The following DNAAF9 variants were observed in gnomAD, a reference collection of about 807,000 sequenced individuals.
The protein encoded by DNAAF9 is dynein axonemal assembly factor 9.
In DNAAF9, 90 loss-of-function variants were observed where a neutral mutation model predicts 167.0. That is an observed-to-expected ratio of 0.54 (90% CI 0.45 to 0.64). DNAAF9 has a LOEUF of 0.64. Among genes scored for constraint, DNAAF9 ranks in the 30% least tolerant of loss-of-function variants. DNAAF9 has a pLI of 0.00. For synonymous variants in DNAAF9, 491 were observed against 508.8 expected (o/e 0.96, Z 0.47); for missense variants, 1,315 against 1,442.2 (o/e 0.91, Z 1.43).
chr20:3,361,582 A>C (rs960817591), intron 6 of DNAAF9, among the ~76,000 whole-genome samples: 1 of 152,172 alleles, frequency 6.6e-6, no homozygotes, highest in Non-Finnish European at 1.5e-5. Flanking sequence ...GTTGAGTTAG[A>C]TGTGCCCCAC....
intron 3 of DNAAF9, among the ~76,000 whole-genome samples, chr20:3,380,320 C>T (rs1051277234): frequency 1.3e-5 from 2 of 152,140 alleles, no homozygotes; most frequent in East Asian, 1.9e-4. Flanking sequence ...ACTCTTTTTG[C>T]ACTTCCTAAT....
At chr20:3,320,516 T>TG (rs765086216) in intron 16 of DNAAF9, among the ~76,000 whole-genome samples, 6 of 152,034 alleles carry the variant, frequency 3.9e-5, no homozygotes, top group Non-Finnish European at 7.4e-5. Flanking sequence ...TGCTCAAGAG[T>TG]CTAAGGAGAG....
intron 1 of DNAAF9, among the ~76,000 whole-genome samples, chr20:3,394,479 C>G (rs946184812): frequency 6.6e-6 from 1 of 152,036 alleles, no homozygotes. Flanking sequence ...CACCTTTAAG[C>G]TTAAGGGTTT....
intron 29 of DNAAF9, among the ~76,000 whole-genome samples, chr20:3,277,587 C>A (rs2068695011): frequency 6.6e-6 from 1 of 151,886 alleles, no homozygotes; most frequent in Admixed American, 6.6e-5. Context: ...AGCTAGAAAC[C>A]TAGGAGTCAT....
chr20:3,268,714 A>G (rs1356936661), intron 30 of DNAAF9, among the ~76,000 whole-genome samples: 2 of 152,112 alleles, frequency 1.3e-5, no homozygotes, highest in African/African-American at 2.4e-5. Flanking sequence ...ACATAGTTCA[A>G]AAGTCAAAAC....
In DNAAF9 at chr20:3,250,512, T is replaced by C. The variant is rs1462306798; in HGVS notation, c.*2060A>G. On this transcript the variant is annotated 3_prime_UTR_variant, in exon 37 of 37. Transcript: ENST00000252032. ...ACGTTTTGACTTTTTTCAATCACAG[T>C]TTCATATTCAAGTTGAGGTAATCAC... is the stretch of plus-strand genomic sequence containing the variant. 2.0e-5 allele frequency: 3 copies of C among 152,164 alleles called. No individual in the cohort carries two copies. The highest frequency in any genetic ancestry group is 1.3e-4 in the Admixed American group (2 of 15,278). 9.4% of individuals were successfully genotyped at this position (152,164 alleles called of 1,614,324 possible). A position where few individuals can be genotyped will look rare whatever the true frequency, so the allele number is the denominator to read the frequency against.
rs117008921 is a variant in DNAAF9 at position 3,375,381 on chromosome 20, A to C, written c.409-255T>G. On this transcript the variant is annotated intron_variant, in intron 4 of 36. Transcript: ENST00000252032. Reference sequence around the variant, plus strand: ...ATGCAAGAGATAACACTTTTCCCCCAAAAAATTCCGCCAAATACTCATATG... The same window carrying C: ...ATGCAAGAGATAACACTTTTCCCCCCAAAAATTCCGCCAAATACTCATATG... Among the ~76,000 whole-genome samples the C allele has an allele frequency of 8.5e-3, 1,287 of 152,108 alleles. 8 individuals are homozygous for C. The highest frequency in any genetic ancestry group is 0.015 in the Non-Finnish European group (1,012 of 68,000).
intron 25 of DNAAF9, among the ~76,000 whole-genome samples, chr20:3,293,292 C>CA (rs1172725572): frequency 0.077 from 1,754 of 22,818 alleles, 624 homozygotes; most frequent in East Asian, 0.19. Flanking sequence ...GACTCCGTCT[C>CA]AAAAAAAAAA....
Position 3,250,243 on chromosome 20 carries a change from C to T in DNAAF9, c.*2329G>A, listed in dbSNP as rs2068176984. The stretch of plus-strand genomic sequence containing the variant: ...CTGCTCCTCCCACCTGGAGCGCCGC[C>T]TGGAGGAATCAAGTGGATACTGACC... On this transcript the variant is annotated 3_prime_UTR_variant, in exon 37 of 37. Transcript: ENST00000252032. 6.6e-6 allele frequency: 1 copy of T among 152,318 alleles called. No homozygotes were observed. Among genetic ancestry groups the T allele is most frequent in the Admixed American group, 6.5e-5 (1 of 15,280 alleles). 9.4% of individuals were successfully genotyped at this position (152,318 alleles called of 1,614,324 possible). A position where few individuals can be genotyped will look rare whatever the true frequency, so the allele number is the denominator to read the frequency against.
At chr20:3,296,134 A>G (rs2069073103) in intron 23 of DNAAF9, 1 of 633,306 alleles carries the variant, frequency 1.6e-6, no homozygotes, top group Admixed American at 1.8e-5. Context: ...AAGGTAAATT[A>G]GCTTCAAGTT....
chr20:3,397,901 G>A (rs2083932713), intron 1 of DNAAF9, among the ~76,000 whole-genome samples: 1 of 152,012 alleles, frequency 6.6e-6, no homozygotes, highest in African/African-American at 2.4e-5. Context: ...GCTCTCCTTT[G>A]TGCTTTCCTA....
intron 20 of DNAAF9, among the ~76,000 whole-genome samples, chr20:3,308,968 T>G (rs2069354910): frequency 6.6e-6 from 1 of 152,098 alleles, no homozygotes; most frequent in African/African-American, 2.4e-5. Flanking sequence ...ATCTAACCCC[T>G]ATTTCCTTCC....
In DNAAF9 at chr20:3,315,687, A is replaced by C; in HGVS notation, c.1590+48T>G. The stretch of plus-strand genomic sequence containing the variant: ...TTTAATACCTTTATGAATTGCTTAC[A>C]TTATTTTTTGATATAATGTTCACAC... On this transcript the variant is annotated intron_variant, in intron 19 of 36. Coordinates refer to ENST00000252032, the MANE Select transcript of DNAAF9 (RefSeq NM_001009984.3). The surrounding 1 kb of genome is among the most constrained non-coding windows in gnomAD (Gnocchi z 4.1). 6.9e-7 allele frequency: 1 copy of C among 1,442,580 alleles called. No homozygotes were observed. Among genetic ancestry groups the C allele is most frequent in the Non-Finnish European group, 9.8e-7 (1 of 1,023,440 alleles). 89.4% of individuals were successfully genotyped at this position (1,442,580 alleles called of 1,614,324 possible).
rs746164863 is a variant in DNAAF9 at position 3,315,060 on chromosome 20, T to G, written c.1651A>C (p.Ser551Arg). 3.7e-6 allele frequency: 6 copies of G among 1,611,176 alleles called. No homozygotes were observed. Among genetic ancestry groups the G allele is most frequent in the Non-Finnish European group, 5.1e-6 (6 of 1,177,318 alleles). Residue 551 changes from serine (S) to arginine (R), a missense_variant, in exon 20 of 37, where the codon AGC (serine) becomes CGC (arginine). Around this residue, in one of 2 missense-constraint regions of DNAAF9, gnomAD observed 981 missense variants for 1,012.5 expected, o/e 0.97. Coordinates refer to ENST00000252032, the MANE Select transcript of DNAAF9 (RefSeq NM_001009984.3). The surrounding 1 kb of genome is among the most constrained non-coding windows in gnomAD (Gnocchi z 4.1). ...TCCTCAGGCCAGGACTGTAGATTGCTGGAATAAAGATATGCTCCTTCTCCT... is the reference window on the plus strand; with the variant it reads ...TCCTCAGGCCAGGACTGTAGATTGCGGGAATAAAGATATGCTCCTTCTCCT... Reference protein sequence around the residue: ...TGGEGAYLYSSNLQSWPEEGN... With the variant: ...TGGEGAYLYSRNLQSWPEEGN...
intron 12 of DNAAF9, among the ~76,000 whole-genome samples, chr20:3,328,197 TTTGAGATGGA>T (rs1568607120): frequency 6.6e-6 from 1 of 151,508 alleles, no homozygotes. Flanking sequence ...TTTTTTTTTT[TTTGAGATGGA>T]GTCTTGCTCT....
intron 16 of DNAAF9, 65 bp downstream of exon 16, chr20:3,322,152 C>T (rs11698781): frequency 8.0e-7 from 1 of 1,254,764 alleles, no homozygotes; most frequent in Non-Finnish European, 1.2e-6. Context: ...ACTCCCACCT[C>T]CCAACTTACA....
At chr20:3,293,056 A>C (rs1416536595) in intron 25 of DNAAF9, among the ~76,000 whole-genome samples, 1 of 151,730 alleles carries the variant, frequency 6.6e-6, no homozygotes, top group African/African-American at 2.4e-5. Context: ...ATTGCACTTC[A>C]GCCTAGGCGA....
At chr20:3,306,199 T>A (rs1341226944) in intron 20 of DNAAF9, among the ~76,000 whole-genome samples, 2 of 152,120 alleles carry the variant, frequency 1.3e-5, no homozygotes, top group African/African-American at 4.8e-5. Flanking sequence ...ACTTCTGAAA[T>A]CTCCAGCCCA....
At position 3,250,599 on chromosome 20, in the gene DNAAF9, T is replaced by C. The variant is rs546648665; in HGVS notation, c.*1973A>G. 4 of 152,376 alleles carry C rather than the reference T, an allele frequency of 2.6e-5. No homozygotes were observed. The East Asian group carries it at 5.8e-4, about 22-fold the overall frequency. The allele number at this position is 152,376 out of a possible 1,614,324, so 9.4% of individuals were successfully genotyped here. On this transcript the variant is annotated 3_prime_UTR_variant, in exon 37 of 37. Transcript: ENST00000252032. ...GGGCAAGTTGGTGAGAGAGCATTTC[T>C]GTGAAGAGAAACAAAGACCACCACG... is the stretch of plus-strand genomic sequence containing the variant.
Sources: allele counts gnomAD v4.1 joint callset (sites outside exome capture counted in the v4.1 genomes callset), GRCh38; gene constraint gnomAD v4.1.1; regional missense constraint gnomAD v4.1.1; non-coding constraint Gnocchi (gnomAD v3.1); transcripts MANE v1.5; gene names NCBI Gene and HGNC (gene_info 2026-07-23, HGNC 2026-07-21).